The following AP1M1 variants were observed in gnomAD, a reference collection of about 807,000 sequenced individuals.
The protein encoded by AP1M1 is AP-1 complex subunit mu-1.
In AP1M1, 18 loss-of-function variants were observed where a neutral mutation model predicts 57.1. The ratio of observed to expected loss-of-function variants is 0.32; its 90% CI spans 0.22 to 0.47. The LOEUF (loss-of-function observed/expected upper bound fraction) is 0.47, where lower values mean the gene tolerates loss of function less well. Ranked by LOEUF, AP1M1 falls within the 20% of genes least tolerant of loss-of-function variation. The pLI, the probability that AP1M1 is intolerant of heterozygous loss-of-function variation, is 1.00. For synonymous variants in AP1M1, 241 were observed against 237.9 expected (o/e 1.01, Z -0.12); for missense variants, 362 against 593.5 (o/e 0.61, Z 4.05).
intron 9 of AP1M1, 109 bp downstream of exon 9, chr19:16,229,037 TGTCTTCCA>T: frequency 7.7e-7 from 1 of 1,302,254 alleles, no homozygotes; most frequent in Non-Finnish European, 1.1e-6. Context: ...GTGGCCACTG[TGTCTTCCA>T]CACCTGGGGC....
chr19:16,213,596 G>C, intron 5 of AP1M1, among the ~76,000 whole-genome samples: 1 of 152,058 alleles, frequency 6.6e-6, no homozygotes, highest in Admixed American at 6.6e-5. Flanking sequence ...CCAGGTTCAA[G>C]CAATTCTCCT....
rs1355206465 is a variant in AP1M1, at chr19:16,235,324, A to G, written c.*889A>G. 1 of 152,290 alleles carries G rather than the reference A, an allele frequency of 6.6e-6. No individual in the cohort carries two copies. The highest frequency in any genetic ancestry group is 1.5e-5 in the Non-Finnish European group (1 of 68,054). The allele number at this position is 152,290 out of a possible 1,614,324, so 9.4% of individuals were successfully genotyped here. On this transcript the variant is annotated 3_prime_UTR_variant, in exon 12 of 12. Coordinates refer to ENST00000291439, the MANE Select transcript of AP1M1 (RefSeq NM_032493.4). ...TGTGTGTTTATGTCATAGTTACATT[A>G]AATTCCATTCATTGAATACTCCACA...
intron 5 of AP1M1, 27 bp downstream of exon 5, chr19:16,209,204 G>C: frequency 6.2e-7 from 1 of 1,612,122 alleles, no homozygotes. Context: ...TCCTTCTTCT[G>C]TAGGGTTTTA....
rs544473423 is a variant in AP1M1, at chr19:16,234,605, C to T, written c.*170C>T. The T allele has an allele frequency of 4.8e-4, 355 of 741,138 alleles. No individual in the cohort carries two copies. The highest frequency in any genetic ancestry group is 3.3e-3 in the Middle Eastern group (10 of 3,060). 45.9% of individuals were successfully genotyped at this position (741,138 alleles called of 1,614,324 possible). A position where few individuals can be genotyped will look rare whatever the true frequency, so the allele number is the denominator to read the frequency against. ...GGCCATCTGCTCTGCCGTCGACACT[C>T]GTCTCAGAAGCCCCTTTCCCAGAAG... On this transcript the variant is annotated 3_prime_UTR_variant, in exon 12 of 12. Coordinates refer to ENST00000291439, the MANE Select transcript of AP1M1 (RefSeq NM_032493.4).
rs146546344 is a variant in AP1M1, at chr19:16,203,572, C to G, written c.156C>G (p.His52Gln). 1.0e-4 allele frequency: 169 copies of G among 1,613,648 alleles called. No homozygotes were observed. The highest frequency in any genetic ancestry group is 3.3e-4 in the Middle Eastern group (2 of 6,080). Residue 52 changes from histidine to glutamine, a missense_variant, in exon 2 of 12, where the codon CAC (histidine) becomes CAG (glutamine). His to Gln is a conservative substitution (Grantham distance 24). Coordinates refer to ENST00000291439, the MANE Select transcript of AP1M1 (RefSeq NM_032493.4). This position sits in a 1 kb window ranked among gnomAD's most constrained non-coding sequence, Gnocchi z 4.6. ...EEGMLSPILAHGGVRFMWIKH... is the reference protein window; with the variant it reads ...EEGMLSPILAQGGVRFMWIKH... ...GGATGCTGTCGCCCATCCTGGCCCA[C>G]GGGGGGGTCCGTTTCATGTGGATCA...
intron 9 of AP1M1, among the ~76,000 whole-genome samples, chr19:16,230,245 G>T (rs66587439): frequency 0.22 from 33,189 of 152,160 alleles, 4,374 homozygotes; most frequent in Middle Eastern, 0.36. Context: ...TGGAAGGTTT[G>T]TGGCAACCCT....
chr19:16,232,733 G>A (rs558037543), intron 9 of AP1M1, among the ~76,000 whole-genome samples: 1 of 152,232 alleles, frequency 6.6e-6, no homozygotes, highest in Non-Finnish European at 1.5e-5. Flanking sequence ...TAGCTCCCAC[G>A]GAACCTCGGC....
Position 16,233,567 on chromosome 19 carries a change from C to T in AP1M1, c.1122C>T (p.Pro374=). The T allele has an allele frequency of 1.2e-6, 2 of 1,610,104 alleles. No individual in the cohort carries two copies. Among genetic ancestry groups the T allele is most frequent in the Non-Finnish European group, 8.5e-7 (1 of 1,178,524 alleles). Residue 374 remains proline (P), a synonymous_variant, in exon 10 of 12, where the codon CCC becomes CCT. Coordinates refer to ENST00000291439, the MANE Select transcript of AP1M1 (RefSeq NM_032493.4). ...AGGCCGAAGACAAGGAGGGCAAGCCCCCGATCAGTGTCAAGTTCGAGATCC... is the reference window on the plus strand; with the variant it reads ...AGGCCGAAGACAAGGAGGGCAAGCCTCCGATCAGTGTCAAGTTCGAGATCC... ...SVEAEDKEGK[P]PISVKFEIPY... is the part of the protein sequence containing the mutation.
chr19:16,204,878 T>G, intron 2 of AP1M1, among the ~76,000 whole-genome samples: 1 of 150,858 alleles, frequency 6.6e-6, no homozygotes, highest in Admixed American at 6.6e-5. Context: ...TCGCCCAGGC[T>G]GGAGTGCAGT....
intron 1 of AP1M1, among the ~76,000 whole-genome samples, chr19:16,199,004 C>T (rs1368880556): frequency 6.6e-6 from 1 of 152,094 alleles, no homozygotes; most frequent in Non-Finnish European, 1.5e-5. Flanking sequence ...GGCAGGGTTT[C>T]ACCATGTTGA....
rs1403702623 is a variant in AP1M1, at chr19:16,234,006, C to T, written c.1174-193C>T. 10 of 609,444 alleles carry T rather than the reference C, an allele frequency of 1.6e-5. No homozygotes were observed. In the African/African-American group the frequency reaches 1.7e-4, roughly 10 times the overall value. The allele number at this position is 609,444 out of a possible 1,614,324, so 37.8% of individuals were successfully genotyped here. Reference sequence around the variant, plus strand: ...CAAGCCACATCCTGGCTGCTCACCACTTCCAGAGGCGGCTCTGCCCTCCCA... The same window carrying T: ...CAAGCCACATCCTGGCTGCTCACCATTTCCAGAGGCGGCTCTGCCCTCCCA... On this transcript the variant is annotated intron_variant, in intron 10 of 11. Transcript: ENST00000291439.
chr19:16,233,175 A>C (rs2091606561), intron 9 of AP1M1, among the ~76,000 whole-genome samples: 1 of 152,024 alleles, frequency 6.6e-6, no homozygotes. Context: ...AAAGTGCATT[A>C]GGGGAGCTGG....
chr19:16,218,748 T>C (rs1432743592), intron 5 of AP1M1, among the ~76,000 whole-genome samples: 1 of 152,166 alleles, frequency 6.6e-6, no homozygotes, highest in East Asian at 1.9e-4. Context: ...CACAAACCCC[T>C]CTTTGGGTAA....
intron 9 of AP1M1, among the ~76,000 whole-genome samples, chr19:16,230,095 G>A (rs1409080259): frequency 1.3e-5 from 2 of 152,214 alleles, no homozygotes; most frequent in Non-Finnish European, 2.9e-5. Context: ...GGGAGGAAGG[G>A]ACAGGGCTAA....
intron 5 of AP1M1, among the ~76,000 whole-genome samples, chr19:16,221,844 A>T (rs1270898445): frequency 6.6e-6 from 1 of 151,962 alleles, no homozygotes; most frequent in Non-Finnish European, 1.5e-5. Flanking sequence ...TCACCACCAC[A>T]CTTGGCTAAT....
chr19:16,214,554 G>A (rs1342273210), intron 5 of AP1M1, among the ~76,000 whole-genome samples: 1 of 150,056 alleles, frequency 6.7e-6, no homozygotes, highest in African/African-American at 2.5e-5. Flanking sequence ...GTTACACCAT[G>A]TTGGCCAGAC....
At chr19:16,230,795 C>A (rs867099956) in intron 9 of AP1M1, among the ~76,000 whole-genome samples, 2 of 152,148 alleles carry the variant, frequency 1.3e-5, no homozygotes, top group Non-Finnish European at 2.9e-5. Flanking sequence ...GGAACCAAAC[C>A]TGCACTGTGT....
chr19:16,222,056 A>G (rs1347756392), intron 5 of AP1M1, among the ~76,000 whole-genome samples: 1 of 152,054 alleles, frequency 6.6e-6, no homozygotes, highest in East Asian at 1.9e-4. Context: ...TGGTTATTAT[A>G]TCATGTGTCC....
intron 5 of AP1M1, among the ~76,000 whole-genome samples, chr19:16,220,637 C>T (rs1031563461): frequency 1.3e-5 from 2 of 152,172 alleles, no homozygotes; most frequent in African/African-American, 2.4e-5. Flanking sequence ...GTGATCTGCT[C>T]ACCCCGGCCT....
Sources: allele counts gnomAD v4.1 joint callset (sites outside exome capture counted in the v4.1 genomes callset), GRCh38; gene constraint gnomAD v4.1.1; non-coding constraint Gnocchi (gnomAD v3.1); transcripts MANE v1.5; gene names NCBI Gene and HGNC (gene_info 2026-07-23, HGNC 2026-07-21).